Variants in RNF125 observed in about 807,000 individuals in gnomAD.
RNF125 encodes the protein ring finger protein 125, also known as E3 ubiquitin-protein ligase RNF125.
A neutral mutation model predicts 26.0 loss-of-function variants in RNF125; 21 were observed. The observed-to-expected ratio is 0.81, with a 90% CI of 0.57 to 1.16. The LOEUF is 1.16. Ranked by LOEUF, RNF125 falls within the 50% of genes most tolerant of loss-of-function variation. The pLI is 0.00. For missense variants in RNF125, 270 were observed against 299.4 expected, an observed-to-expected ratio of 0.90 and a Z score of 0.72; for synonymous variants, 95 against 109.2, an observed-to-expected ratio of 0.87 and a Z score of 0.81.
chr18:32,026,057 T>TA (rs1307574470), intron 1 of RNF125, among the ~76,000 whole-genome samples: 8 of 138,544 alleles, frequency 5.8e-5, no homozygotes, highest in African/African-American at 1.1e-4. Flanking sequence ...CCATCTTTCT[T>TA]AAAAAAAACT....
intron 4 of RNF125, among the ~76,000 whole-genome samples, chr18:32,058,132 T>TAAAAAA (rs780204451): frequency 1.2e-5 from 1 of 80,668 alleles, no homozygotes; most frequent in African/African-American, 5.1e-5. Flanking sequence ...ACCCCATCTC[T>TAAAAAA]AAAAAAAAAA....
chr18:32,065,597 G>A (rs2039476845), intron 4 of RNF125, among the ~76,000 whole-genome samples: 1 of 152,002 alleles, frequency 6.6e-6, no homozygotes, highest in Non-Finnish European at 1.5e-5. Context: ...GCAGTGGTGT[G>A]ATCTTGGCTC....
intron 4 of RNF125, among the ~76,000 whole-genome samples, chr18:32,059,873 TC>T (rs1568206928): frequency 6.6e-6 from 1 of 152,206 alleles, no homozygotes; most frequent in African/African-American, 2.4e-5. Context: ...AATTATCCTT[TC>T]AAAAGAATCT....
rs1428961806 is a variant in RNF125 at position 32,068,477 on chromosome 18, G to A, written c.*93G>A. 2.0e-5 allele frequency: 15 copies of A among 757,842 alleles called. No individual in the cohort carries two copies. The highest frequency in any genetic ancestry group is 3.3e-5 in the Non-Finnish European group (14 of 422,206). 46.9% of individuals were successfully genotyped at this position (757,842 alleles called of 1,614,324 possible). The stretch of plus-strand genomic sequence containing the variant: ...GAGGGAAGTTGTCAATGATTGATGG[G>A]CAAAAATGTACAACACAGTTATGTG... On this transcript the variant is annotated 3_prime_UTR_variant, in exon 6 of 6. Coordinates refer to ENST00000217740, the MANE Select transcript of RNF125 (RefSeq NM_017831.4).
At chr18:32,019,442 C>T (rs2038964497) in intron 1 of RNF125, among the ~76,000 whole-genome samples, 1 of 152,204 alleles carries the variant, frequency 6.6e-6, no homozygotes, top group South Asian at 2.1e-4. Context: ...CGCAGTTACC[C>T]CGCTGAACAC....
chr18:32,068,329 G>T lies in RNF125; in HGVS notation c.644G>T (p.Arg215Leu). ...DFNIIEEALI[R>L]RVLDRSLLEY... is the part of the protein sequence containing the mutation. Reference sequence around the variant, plus strand: ...AATATAATTGAGGAAGCTCTTATCCGAAGAGTCTTAGACCGGTCACTTCTT... The same window carrying T: ...AATATAATTGAGGAAGCTCTTATCCTAAGAGTCTTAGACCGGTCACTTCTT... The change falls in exon 6 of 6, where the codon CGA becomes CTA. Residue 215 changes from arginine to leucine, a missense_variant. Physicochemically the swap from Arg to Leu is moderately radical, Grantham distance 102. Coordinates refer to ENST00000217740, the MANE Select transcript of RNF125 (RefSeq NM_017831.4). The T allele has an allele frequency of 6.3e-7, 1 of 1,586,898 alleles. No homozygotes were observed. The highest frequency in any genetic ancestry group is 8.6e-7 in the Non-Finnish European group (1 of 1,156,302).
At chr18:32,089,720 C>T in the RNF125 span, among the ~76,000 whole-genome samples, 2 of 152,074 alleles carry the variant, frequency 1.3e-5, no homozygotes, top group African/African-American at 4.8e-5. Context: ...TATATGCTTA[C>T]GTGTATACCG....
chr18:32,067,547 A>G (rs972723219), intron 5 of RNF125, among the ~76,000 whole-genome samples: 1 of 152,216 alleles, frequency 6.6e-6, no homozygotes, highest in Non-Finnish European at 1.5e-5. Flanking sequence ...TCCTTGTAGC[A>G]ACTTCCGTGA....
At chr18:32,047,286 C>T (rs2039281692) in intron 4 of RNF125, among the ~76,000 whole-genome samples, 3 of 152,176 alleles carry the variant, frequency 2.0e-5, no homozygotes, top group Admixed American at 6.5e-5. Flanking sequence ...GGTTCGCCCA[C>T]GTCGGCCTCC....
intron 1 of RNF125, among the ~76,000 whole-genome samples, chr18:32,030,352 C>T (rs1006982178): frequency 6.6e-5 from 10 of 152,140 alleles, no homozygotes; most frequent in Admixed American, 1.3e-4. Flanking sequence ...AGTGAATGTA[C>T]CTAATTTTTA....
the RNF125 span, among the ~76,000 whole-genome samples, chr18:32,087,072 C>T: frequency 0.015 from 2,325 of 152,142 alleles, 63 homozygotes; most frequent in African/African-American, 0.053. Context: ...TAAGAGGAAA[C>T]GGCCAATCTA....
chr18:32,035,890 C>T (rs981539488), intron 1 of RNF125, among the ~76,000 whole-genome samples: 18 of 152,266 alleles, frequency 1.2e-4, no homozygotes, highest in African/African-American at 3.1e-4. Context: ...CAGTGGCTCA[C>T]GCCTGTAATC....
chr18:32,025,985 A>G (rs560958048), intron 1 of RNF125, among the ~76,000 whole-genome samples: 2 of 152,168 alleles, frequency 1.3e-5, no homozygotes, highest in Non-Finnish European at 2.9e-5. Flanking sequence ...CAAGGGAGAA[A>G]CAGGATTTGA....
At chr18:32,063,864 GTAA>G (rs1401757744) in intron 4 of RNF125, among the ~76,000 whole-genome samples, 16 of 151,742 alleles carry the variant, frequency 1.1e-4, no homozygotes, top group Middle Eastern at 3.4e-3. Context: ...TCTCGAAATA[GTAA>G]TAATAATAAT....
chr18:32,062,633 A>G, intron 4 of RNF125, among the ~76,000 whole-genome samples: 1 of 152,314 alleles, frequency 6.6e-6, no homozygotes, highest in Non-Finnish European at 1.5e-5. Flanking sequence ...AGAAATATAT[A>G]AAGACCTCAT....
chr18:32,079,969 C>A, the RNF125 span, among the ~76,000 whole-genome samples: 1 of 152,170 alleles, frequency 6.6e-6, no homozygotes, highest in Non-Finnish European at 1.5e-5. Context: ...AATGGACTAA[C>A]CTAGGTAATC....
At chr18:32,088,962 G>A in the RNF125 span, among the ~76,000 whole-genome samples, 1 of 152,138 alleles carries the variant, frequency 6.6e-6, no homozygotes, top group African/African-American at 2.4e-5. Context: ...GGAAGCACAT[G>A]GCCTTACAGG....
intron 4 of RNF125, among the ~76,000 whole-genome samples, chr18:32,047,971 T>C (rs1174818749): frequency 6.6e-6 from 1 of 151,100 alleles, no homozygotes; most frequent in African/African-American, 2.4e-5. Context: ...CTACTAAAAA[T>C]ACAAAAATTA....
chr18:32,062,483 ATAAT>A (rs2039444005), intron 4 of RNF125, among the ~76,000 whole-genome samples: 2 of 152,250 alleles, frequency 1.3e-5, no homozygotes, highest in African/African-American at 2.4e-5. Flanking sequence ...TAATTCAACA[ATAAT>A]TAATTAAAAG....
Sources: gnomAD v4.1 joint callset for allele counts (sites outside exome capture counted in the v4.1 genomes callset) on GRCh38, gnomAD v4.1.1 for gene constraint, MANE v1.5 for transcripts, NCBI Gene and HGNC (gene_info 2026-07-23, HGNC 2026-07-21) for gene names.